Variants in TRHDE observed in about 807,000 individuals in gnomAD.
The protein encoded by TRHDE is thyrotropin releasing hormone degrading enzyme.
A neutral mutation model predicts 125.7 loss-of-function variants in TRHDE; 72 were observed. The ratio of observed to expected loss-of-function variants is 0.57; its 90% confidence interval spans 0.47 to 0.70. The LOEUF (loss-of-function observed/expected upper bound fraction) is 0.70. Among genes scored for constraint, TRHDE ranks in the 30% least tolerant of loss-of-function variants. TRHDE has a pLI of 0.00. For synonymous variants in TRHDE, 509 were observed against 509.1 expected (o/e 1.00, Z 0.00); for missense variants, 1,110 against 1,327.1 (o/e 0.84, Z 2.54).
intron 7 of TRHDE, among the ~76,000 whole-genome samples, chr12:72,561,331 TA>T (rs1870166868): frequency 6.6e-6 from 1 of 152,174 alleles, no homozygotes; most frequent in African/African-American, 2.4e-5. Flanking sequence ...CTACTATATA[TA>T]TGTTGCAGAG....
chr12:72,193,432 T>C (rs190530469), intron 2 of TRHDE, among the ~76,000 whole-genome samples: 1 of 152,286 alleles, frequency 6.6e-6, no homozygotes, highest in Non-Finnish European at 1.5e-5. Flanking sequence ...CATTTCACAA[T>C]TCAATTTCAG....
At chr12:72,379,498 T>C (rs1469878030) in intron 3 of TRHDE, among the ~76,000 whole-genome samples, 1 of 152,226 alleles carries the variant, frequency 6.6e-6, no homozygotes, top group African/African-American at 2.4e-5. Context: ...GGCACTGTTA[T>C]CTACTCCAGG....
At chr12:72,660,237 G>C (rs934331743) in intron 18 of TRHDE, among the ~76,000 whole-genome samples, 1 of 152,146 alleles carries the variant, frequency 6.6e-6, no homozygotes, top group Non-Finnish European at 1.5e-5. Context: ...TATCTACTAC[G>C]AACTTCAAAG....
At chr12:72,098,037 T>C (rs1874975762) in intron 1 of TRHDE, among the ~76,000 whole-genome samples, 1 of 151,970 alleles carries the variant, frequency 6.6e-6, no homozygotes, top group South Asian at 2.1e-4. Context: ...ATACTTTATA[T>C]TTTATTTTAT....
In TRHDE at chr12:72,417,120, T is replaced by A. The variant is rs569423512; in HGVS notation, c.1315+38999T>A. On this transcript the variant is annotated intron_variant, in intron 3 of 18. Coordinates refer to ENST00000261180, the MANE Select transcript of TRHDE (RefSeq NM_013381.3). ...TAATTCCTGGGTATTTCATTTTATT[T>A]GTAGCTACTTTAAATGAGATTACTT... Among the ~76,000 whole-genome samples the A allele has an allele frequency of 2.4e-3, 366 of 152,206 alleles. 1 individual carries two copies. Among genetic ancestry groups the A allele is most frequent in the Middle Eastern group, 0.017 (5 of 294 alleles).
Position 72,499,521 on chromosome 12 carries a change from T to C in TRHDE, c.1608T>C (p.Asp536=). The C allele has an allele frequency of 6.2e-7, 1 of 1,613,768 alleles. No individual in the cohort carries two copies. Among genetic ancestry groups the C allele is most frequent in the Non-Finnish European group, 8.5e-7 (1 of 1,179,830 alleles). Reference sequence around the variant, plus strand: ...AGGAAAAGCAGAGGTTTCTGACCGATGTTCTGCATGAAGTGATGCTGCTGG... The same window carrying C: ...AGGAAAAGCAGAGGTTTCTGACCGACGTTCTGCATGAAGTGATGCTGCTGG... ...WNMEKQRFLT[D]VLHEVMLLDG... is the part of the protein sequence containing the mutation. The change falls in exon 6 of 19, where the codon GAT becomes GAC. Residue 536 remains aspartate, a synonymous_variant. Transcript: ENST00000261180.
intron 12 of TRHDE, among the ~76,000 whole-genome samples, chr12:72,599,678 C>T (rs1293155743): frequency 5.3e-5 from 8 of 151,902 alleles, no homozygotes; most frequent in East Asian, 3.9e-4. Flanking sequence ...CTGTCTACTC[C>T]GTTGATAATC....
chr12:72,278,998 T>G (rs977410535), intron 1 of TRHDE, among the ~76,000 whole-genome samples: 9 of 152,222 alleles, frequency 5.9e-5, no homozygotes, highest in Non-Finnish European at 8.8e-5. Context: ...CAGTTGCCTT[T>G]GTTTTTATTT....
At chr12:72,608,348 C>T (rs1015520829) in intron 12 of TRHDE, among the ~76,000 whole-genome samples, 3 of 152,096 alleles carry the variant, frequency 2.0e-5, no homozygotes, top group Non-Finnish European at 2.9e-5. Context: ...ATTAAAGATA[C>T]TTTATATCAT....
chr12:72,426,386 A>G (rs529674349), intron 3 of TRHDE, among the ~76,000 whole-genome samples: 1 of 152,292 alleles, frequency 6.6e-6, no homozygotes, highest in African/African-American at 2.4e-5. Flanking sequence ...CTCCTAAGAA[A>G]AACACTTTCA....
chr12:72,471,039 C>A (rs544093245), intron 4 of TRHDE, among the ~76,000 whole-genome samples: 1 of 151,864 alleles, frequency 6.6e-6, no homozygotes, highest in African/African-American at 2.4e-5. Context: ...CCATGCCCAG[C>A]TAATTTTTTA....
rs573673038 is a variant in TRHDE at position 72,459,112 on chromosome 12, G to T, written c.1316-10646G>T. ...TTAGAGACTGCACTCCTCAGCTCAT[G>T]GTCCCCTTCTATCTTCAAAGCCAGC... On this transcript the variant is annotated intron_variant, in intron 3 of 18. Coordinates refer to ENST00000261180, the MANE Select transcript of TRHDE (RefSeq NM_013381.3). Among the ~76,000 whole-genome samples the T allele has an allele frequency of 2.0e-5, 3 of 152,130 alleles. No individual in the cohort carries two copies. The East Asian group carries it at 5.8e-4, about 29-fold the overall frequency.
intron 1 of TRHDE, among the ~76,000 whole-genome samples, chr12:72,089,076 G>GCAACTCTATCTAGTTTCCAAGGTCAAT (rs1282057162): frequency 8.6e-5 from 13 of 151,988 alleles, no homozygotes; most frequent in African/African-American, 3.1e-4. Context: ...CTCACCGATG[G>GCAACTCTATCTAGTTTCCAAGGTCAAT]CAACTCTATC....
At chr12:72,645,674 A>G (rs1460944347) in intron 15 of TRHDE, among the ~76,000 whole-genome samples, 2 of 152,142 alleles carry the variant, frequency 1.3e-5, no homozygotes, top group Non-Finnish European at 2.9e-5. Flanking sequence ...ACACATTATA[A>G]TTAAATTGGC....
chr12:72,569,396 T>G (rs1159616705), intron 10 of TRHDE, among the ~76,000 whole-genome samples: 1 of 152,206 alleles, frequency 6.6e-6, no homozygotes, highest in Non-Finnish European at 1.5e-5. Flanking sequence ...GCCCAGATAT[T>G]GTTTTTCTTA....
At chr12:72,428,092 A>T (rs1874267523) in intron 3 of TRHDE, among the ~76,000 whole-genome samples, 1 of 152,150 alleles carries the variant, frequency 6.6e-6, no homozygotes, top group Admixed American at 6.6e-5. Flanking sequence ...TATTCCTTTT[A>T]ATATTTTGGT....
intron 1 of TRHDE, among the ~76,000 whole-genome samples, chr12:72,281,496 A>G (rs1254962380): frequency 6.6e-6 from 1 of 152,190 alleles, no homozygotes; most frequent in East Asian, 1.9e-4. Flanking sequence ...CCAATCTTAA[A>G]CTACTGCAAT....
At chr12:72,579,375 T>C (rs892112410) in intron 12 of TRHDE, among the ~76,000 whole-genome samples, 8 of 152,140 alleles carry the variant, frequency 5.3e-5, no homozygotes, top group Non-Finnish European at 1.0e-4. Flanking sequence ...GTGCATCCTT[T>C]CATATACATT....
intron 2 of TRHDE, among the ~76,000 whole-genome samples, chr12:72,212,112 TAG>T (rs1877794493): frequency 6.6e-6 from 1 of 152,134 alleles, no homozygotes; most frequent in Admixed American, 6.5e-5. Flanking sequence ...TTTGAATAAA[TAG>T]AATTATGAAT....
Sources: allele counts gnomAD v4.1 joint callset (sites outside exome capture counted in the v4.1 genomes callset), GRCh38; gene constraint gnomAD v4.1.1; transcripts MANE v1.5; gene names NCBI Gene and HGNC (gene_info 2026-07-23, HGNC 2026-07-21).